Variants in JPH2 observed in about 807,000 individuals in gnomAD.
The protein encoded by JPH2 is junctophilin-2.
JPH2 carries 38 observed loss-of-function variants against 55.9 expected under a neutral mutation model. That is an observed-to-expected ratio of 0.68 (90% CI 0.52 to 0.89). The LOEUF is 0.89. Ranked by LOEUF, JPH2 falls within the 40% of genes least tolerant of loss-of-function variation. The pLI is 0.00. For synonymous variants in JPH2, 480 were observed against 472.4 expected (o/e 1.02, Z -0.21); for missense variants, 964 against 1,037.6 (o/e 0.93, Z 0.97).
At chr20:44,149,109 G>T (rs1009572476) in intron 2 of JPH2, among the ~76,000 whole-genome samples, 1 of 145,190 alleles carries the variant, frequency 6.9e-6, no homozygotes, top group Admixed American at 6.8e-5. Context: ...AAAAAAAAAA[G>T]AACACAAGAA....
rs538091062 is a variant in JPH2, at chr20:44,107,263, C to T, written c.*6255G>A. ...CCACCATATCCATTTCCTCAATAAG[C>T]ACTCACTGAATGTCTACTCTGCCCC... On this transcript the variant is annotated 3_prime_UTR_variant, in exon 6 of 6. Transcript: ENST00000372980. 6.6e-6 allele frequency among the ~76,000 whole-genome samples: 1 copy of T among 152,252 alleles called. No homozygotes were observed. Among genetic ancestry groups the T allele is most frequent in the East Asian group, 1.9e-4 (1 of 5,188 alleles).
At chr20:44,166,994 G>A (rs1214700711) in intron 1 of JPH2, among the ~76,000 whole-genome samples, 2 of 152,062 alleles carry the variant, frequency 1.3e-5, no homozygotes, top group African/African-American at 2.4e-5. Flanking sequence ...ACTCACACTC[G>A]CCTTCCCACC....
chr20:44,120,819 C>T (rs2072230297), intron 2 of JPH2, among the ~76,000 whole-genome samples: 1 of 152,298 alleles, frequency 6.6e-6, no homozygotes, highest in African/African-American at 2.4e-5. Flanking sequence ...TCAAAGCTGT[C>T]CTGGGCTGCA....
At chr20:44,124,117 G>A (rs2072259383) in intron 2 of JPH2, among the ~76,000 whole-genome samples, 1 of 152,140 alleles carries the variant, frequency 6.6e-6, no homozygotes, top group Non-Finnish European at 1.5e-5. Flanking sequence ...TTCGTCAGCA[G>A]GGTTAAAAAT....
chr20:44,187,102 T>G lies in JPH2; in HGVS notation c.-397A>C. 12 of 179,708 alleles carry G rather than the reference T, an allele frequency of 6.7e-5. No homozygotes were observed. Among genetic ancestry groups the G allele is most frequent in the Non-Finnish European group, 1.2e-4 (10 of 86,112 alleles). The allele number at this position is 179,708 out of a possible 1,614,324, so 11.1% of individuals were successfully genotyped here. The stretch of plus-strand genomic sequence containing the variant: ...CCCCAGCCTTTTCAAAGAGGGGAAA[T>G]TCCCCTCGGTGGCAGCCCCCGCCGG... On this transcript the variant is annotated 5_prime_UTR_variant, in exon 1 of 6. Coordinates refer to ENST00000372980, the MANE Select transcript of JPH2 (RefSeq NM_020433.5).
chr20:44,135,757 G>A (rs545762679), intron 2 of JPH2, among the ~76,000 whole-genome samples: 6 of 152,280 alleles, frequency 3.9e-5, no homozygotes, highest in South Asian at 4.1e-4. Context: ...AGAGCTGGAC[G>A]GACCCTTAGA....
In JPH2 at chr20:44,147,596, C is replaced by T. The variant is rs189175459; in HGVS notation, c.1169+12022G>A. 2.1e-3 allele frequency among the ~76,000 whole-genome samples: 320 copies of T among 152,306 alleles called. 2 individuals are homozygous for T. The highest frequency in any genetic ancestry group is 2.7e-3 in the Non-Finnish European group (182 of 68,034). On this transcript the variant is annotated intron_variant, in intron 2 of 5. Transcript: ENST00000372980. ...AGCAAATTGTAAACAACGGTCACTT[C>T]AGAGGTGCAACCCGGGTGGAAGTAG...
intron 2 of JPH2, among the ~76,000 whole-genome samples, chr20:44,136,348 C>T (rs569585905): frequency 2.0e-5 from 3 of 152,080 alleles, no homozygotes; most frequent in Non-Finnish European, 2.9e-5. Flanking sequence ...TGCAGGGGGA[C>T]GAAGTCTGCT....
rs1351824320 is a variant in JPH2 at position 44,160,763 on chromosome 20, G to C, written c.380-356C>G. Among the ~76,000 whole-genome samples, 1 of 152,214 alleles carries C rather than the reference G, an allele frequency of 6.6e-6. No homozygotes were observed. Among genetic ancestry groups the C allele is most frequent in the Non-Finnish European group, 1.5e-5 (1 of 68,038 alleles). ...GATCGTGCGTACAAGACACTTGTGGGCGTGCATATCGGTGTCTTTTGACTA... is the reference window on the plus strand; with the variant it reads ...GATCGTGCGTACAAGACACTTGTGGCCGTGCATATCGGTGTCTTTTGACTA... On this transcript the variant is annotated intron_variant, in intron 1 of 5. Coordinates refer to ENST00000372980, the MANE Select transcript of JPH2 (RefSeq NM_020433.5). The surrounding 1 kb of genome is among the most constrained non-coding windows in gnomAD (Gnocchi z 4.9).
chr20:44,169,119 C>T (rs2072678297), intron 1 of JPH2, among the ~76,000 whole-genome samples: 1 of 151,984 alleles, frequency 6.6e-6, no homozygotes, highest in African/African-American at 2.4e-5. Flanking sequence ...TTCCAGCCAC[C>T]AGAATCGTTA....
chr20:44,142,626 C>T (rs776232405), intron 2 of JPH2, among the ~76,000 whole-genome samples: 1 of 152,184 alleles, frequency 6.6e-6, no homozygotes, highest in Non-Finnish European at 1.5e-5. Flanking sequence ...CCAGCCCTGA[C>T]CACATATTTT....
Position 44,128,379 on chromosome 20 carries a change from T to A in JPH2, c.1170-9756A>T, listed in dbSNP as rs565604131. On this transcript the variant is annotated intron_variant, in intron 2 of 5. Transcript: ENST00000372980. ...ACAGGGAGGTTAGATCATTTGCTCA[T>A]TCTCGTTATAATCAAAGTAATAATG... Among the ~76,000 whole-genome samples the A allele has an allele frequency of 2.6e-5, 4 of 152,304 alleles. No homozygotes were observed. The South Asian group carries it at 6.2e-4, about 24-fold the overall frequency.
chr20:44,133,369 C>G (rs762922923), intron 2 of JPH2, among the ~76,000 whole-genome samples: 1 of 151,886 alleles, frequency 6.6e-6, no homozygotes, highest in Non-Finnish European at 1.5e-5. Flanking sequence ...TGGTACTAGA[C>G]CTTTTAGAAG....
intron 2 of JPH2, among the ~76,000 whole-genome samples, chr20:44,141,714 G>A (rs1208166207): frequency 6.6e-6 from 1 of 151,784 alleles, no homozygotes; most frequent in Non-Finnish European, 1.5e-5. Flanking sequence ...TCACTGTGTT[G>A]CCCAGGCTGG....
intron 1 of JPH2, among the ~76,000 whole-genome samples, chr20:44,167,410 C>T (rs1390395266): frequency 6.6e-6 from 1 of 152,138 alleles, no homozygotes; most frequent in Non-Finnish European, 1.5e-5. Flanking sequence ...ACTCTTATGT[C>T]CTTTGAGAGG....
Position 44,160,228 on chromosome 20 carries a change from C to A in JPH2, c.559G>T (p.Gly187Cys). 1 of 1,487,546 alleles carries A rather than the reference C, an allele frequency of 6.7e-7. No homozygotes were observed. The highest frequency in any genetic ancestry group is 8.9e-7 in the Non-Finnish European group (1 of 1,124,564). 92.1% of individuals were successfully genotyped at this position (1,487,546 alleles called of 1,614,324 possible). Residue 187 changes from glycine (G) to cysteine (C), a missense_variant, in exon 2 of 6, where the codon GGC (glycine) becomes TGC (cysteine). Transcript: ENST00000372980. The surrounding 1 kb of genome is among the most constrained non-coding windows in gnomAD (Gnocchi z 4.9). ...PDSPASPASDGPALPSPAIPR... is the reference protein window; with the variant it reads ...PDSPASPASDCPALPSPAIPR... ...ATGGCGGGCGAGGGCAGCGCGGGGC[C>A]GTCGGAGGCCGGCGAGGCGGGAGAG...
Position 44,160,049 on chromosome 20 carries a change from G to C in JPH2, c.738C>G (p.Val246=). Residue 246 remains valine (V), a synonymous_variant, in exon 2 of 6, where the codon GTC becomes GTG. Coordinates refer to ENST00000372980, the MANE Select transcript of JPH2 (RefSeq NM_020433.5). The surrounding 1 kb of genome is among the most constrained non-coding windows in gnomAD (Gnocchi z 4.9). ...RTSVGSQRSR[V]SFLKSDLSSG... ...AGCTGAGGTCGCTCTTAAGGAAGCT[G>C]ACACGGCTGCGCTGGCTACCCACGG... The C allele has an allele frequency of 2.6e-6, 4 of 1,549,682 alleles. No homozygotes were observed. The highest frequency in any genetic ancestry group is 3.5e-6 in the Non-Finnish European group (4 of 1,154,140).
chr20:44,185,831 A>G (rs2072833890), intron 1 of JPH2, among the ~76,000 whole-genome samples: 1 of 151,696 alleles, frequency 6.6e-6, no homozygotes, highest in East Asian at 1.9e-4. Context: ...GGGTGGATGG[A>G]TGAATGGATG....
In JPH2 at chr20:44,109,261, G is replaced by A. The variant is rs1317472987; in HGVS notation, c.*4257C>T. ...TTCCTCATCTGCAAAATGGGTGGAC[G>A]AATACCTACACCATGGAGATACTGC... On this transcript the variant is annotated 3_prime_UTR_variant, in exon 6 of 6. Transcript: ENST00000372980. 6.6e-6 allele frequency among the ~76,000 whole-genome samples: 1 copy of A among 152,110 alleles called. No homozygotes were observed. The highest frequency in any genetic ancestry group is 1.5e-5 in the Non-Finnish European group (1 of 68,028).
Sources: gnomAD v4.1 joint callset for allele counts (sites outside exome capture counted in the v4.1 genomes callset) on GRCh38, gnomAD v4.1.1 for gene constraint, Gnocchi (gnomAD v3.1) non-coding constraint, MANE v1.5 for transcripts, NCBI Gene and HGNC (gene_info 2026-07-23, HGNC 2026-07-21) for gene names.